Variants in ERC2 observed in about 807,000 individuals in gnomAD.
ERC2 encodes ELKS/RAB6-interacting/CAST family member 2.
ERC2 carries 42 observed loss-of-function variants against 114.8 expected under a neutral mutation model. That is an observed-to-expected ratio of 0.37 (90% CI 0.29 to 0.47). The LOEUF (loss-of-function observed/expected upper bound fraction) is 0.47, where lower values mean the gene tolerates loss of function less well. Among genes scored for constraint, ERC2 ranks in the 20% least tolerant of loss-of-function variants. The pLI is 0.99. For synonymous variants in ERC2, 454 were observed against 425.5 expected, an observed-to-expected ratio of 1.07 and a Z score of -0.82; for missense variants, 939 against 1,150.7, an observed-to-expected ratio of 0.82 and a Z score of 2.66.
chr3:56,299,229 G>A (rs576290045), intron 2 of ERC2, among the ~76,000 whole-genome samples: 5 of 149,780 alleles, frequency 3.3e-5, no homozygotes, highest in African/African-American at 5.0e-5. Context: ...CCGGGTTCAC[G>A]CCTTTCTGCT....
intron 17 of ERC2, among the ~76,000 whole-genome samples, chr3:55,578,503 G>A (rs999328238): frequency 6.6e-6 from 1 of 152,178 alleles, no homozygotes; most frequent in Non-Finnish European, 1.5e-5. Flanking sequence ...ACCTGGCCAA[G>A]TGACCCTGTT....
intron 17 of ERC2, among the ~76,000 whole-genome samples, chr3:55,645,157 T>C (rs1344196786): frequency 6.6e-6 from 1 of 152,190 alleles, no homozygotes; most frequent in East Asian, 1.9e-4. Flanking sequence ...GAAATGAGTA[T>C]ATGTATATTA....
chr3:56,344,095 T>C (rs1034296057), intron 2 of ERC2, among the ~76,000 whole-genome samples: 7 of 152,140 alleles, frequency 4.6e-5, no homozygotes, highest in Non-Finnish European at 8.8e-5. Flanking sequence ...ATGTTTCAAA[T>C]GCCATATTAA....
In ERC2 at chr3:55,992,085, T is replaced by C; in HGVS notation, c.2227A>G (p.Lys743Glu). 2 of 1,613,778 alleles carry C rather than the reference T, an allele frequency of 1.2e-6. No individual in the cohort carries two copies. The highest frequency in any genetic ancestry group is 1.7e-6 in the Non-Finnish European group (2 of 1,179,796). The change falls in exon 11 of 18, where the codon AAG becomes GAG. Residue 743 changes from lysine to glutamate, a missense_variant. This residue lies in a region of ERC2 where 328 missense variants were observed against 353.9 expected (regional missense o/e 0.93). Transcript: ENST00000288221. ...TCCAGTTCTGCGATCTTCTTGTCCT[T>C]GTCATTCTTCTCATTCTCCACCTCC... ...LKEVENEKND[K>E]DKKIAELESL...
intron 14 of ERC2, among the ~76,000 whole-genome samples, chr3:55,744,003 A>G (rs2066144951): frequency 6.6e-6 from 1 of 152,214 alleles, no homozygotes; most frequent in African/African-American, 2.4e-5. Flanking sequence ...AAAGGACCAA[A>G]GGTTACTCCG....
At chr3:56,032,975 AAGAGAAAG>A (rs1560057318) in intron 7 of ERC2, among the ~76,000 whole-genome samples, 1 of 71,288 alleles carries the variant, frequency 1.4e-5, no homozygotes, top group East Asian at 3.6e-4. Flanking sequence ...GAAAGAAAGA[AAGAGAAAG>A]AAAGAAAGAA....
intron 15 of ERC2, among the ~76,000 whole-genome samples, chr3:55,703,728 C>T (rs2063345705): frequency 6.6e-6 from 1 of 152,198 alleles, no homozygotes; most frequent in African/African-American, 2.4e-5. Flanking sequence ...CTGTGGAACA[C>T]ATAAGAGGGA....
At chr3:55,832,140 G>A (rs550907296) in intron 14 of ERC2, among the ~76,000 whole-genome samples, 62 of 152,362 alleles carry the variant, frequency 4.1e-4, no homozygotes, top group African/African-American at 1.3e-3. Context: ...AACTCAAGGA[G>A]GCCTGCCTGC....
chr3:55,640,664 C>A (rs572791494), intron 17 of ERC2, among the ~76,000 whole-genome samples: 17 of 152,208 alleles, frequency 1.1e-4, no homozygotes, highest in African/African-American at 4.1e-4. Flanking sequence ...TGAGAGGGGA[C>A]AGAAGACCAT....
intron 1 of ERC2, among the ~76,000 whole-genome samples, chr3:56,458,943 G>A (rs1159745340): frequency 2.6e-5 from 4 of 152,128 alleles, no homozygotes; most frequent in African/African-American, 9.7e-5. Flanking sequence ...TGACAAAACG[G>A]AGCATGGCTA....
intron 2 of ERC2, among the ~76,000 whole-genome samples, chr3:56,342,946 G>C (rs890655412): frequency 1.3e-5 from 2 of 152,076 alleles, no homozygotes; most frequent in Non-Finnish European, 2.9e-5. Context: ...TGAAGTTCAA[G>C]CCCCTCAGCC....
At chr3:55,788,048 T>G (rs1470649069) in intron 14 of ERC2, among the ~76,000 whole-genome samples, 1 of 152,234 alleles carries the variant, frequency 6.6e-6, no homozygotes, top group Admixed American at 6.5e-5. Flanking sequence ...GGTTCCAGAA[T>G]CTTCCAAATT....
chr3:55,783,924 C>T (rs185003161), intron 14 of ERC2, among the ~76,000 whole-genome samples: 5 of 152,086 alleles, frequency 3.3e-5, no homozygotes, highest in Non-Finnish European at 7.4e-5. Flanking sequence ...CTATCTTTCA[C>T]CCCTAACTAC....
chr3:55,864,144 T>TATATACAC (rs1559782918), intron 14 of ERC2, among the ~76,000 whole-genome samples: 186 of 116,386 alleles, frequency 1.6e-3, no homozygotes, highest in African/African-American at 6.3e-3. Flanking sequence ...TATATACATA[T>TATATACAC]ATATATATAT....
chr3:55,974,358 C>T (rs181896091), intron 12 of ERC2, among the ~76,000 whole-genome samples: 2 of 152,292 alleles, frequency 1.3e-5, no homozygotes, highest in East Asian at 3.9e-4. Flanking sequence ...AAGATCAAGG[C>T]AGATACAGAT....
chr3:55,564,855 C>T (rs1407193012), intron 17 of ERC2, among the ~76,000 whole-genome samples: 3 of 152,198 alleles, frequency 2.0e-5, no homozygotes, highest in African/African-American at 7.2e-5. Context: ...CAGGGATCAG[C>T]AAATGTTTTC....
chr3:56,406,678 G>A (rs1209837572), intron 2 of ERC2, among the ~76,000 whole-genome samples: 2 of 152,154 alleles, frequency 1.3e-5, no homozygotes, highest in Non-Finnish European at 2.9e-5. Flanking sequence ...CAGTGCCTAG[G>A]AGAGCATGAT....
At chr3:55,905,773 C>T (rs984568583) in intron 13 of ERC2, among the ~76,000 whole-genome samples, 1 of 152,094 alleles carries the variant, frequency 6.6e-6, no homozygotes, top group Non-Finnish European at 1.5e-5. Context: ...TCTTTCTTAC[C>T]ATGCCTTGTT....
At chr3:56,277,787 C>T (rs1283537036) in intron 3 of ERC2, among the ~76,000 whole-genome samples, 2 of 151,222 alleles carry the variant, frequency 1.3e-5, no homozygotes, top group Non-Finnish European at 2.9e-5. Context: ...ATCTAATTTT[C>T]TTTAGGGAAA....
Sources: allele counts gnomAD v4.1 joint callset (sites outside exome capture counted in the v4.1 genomes callset), GRCh38; gene constraint gnomAD v4.1.1; regional missense constraint gnomAD v4.1.1; transcripts MANE v1.5; gene names NCBI Gene and HGNC (gene_info 2026-07-23, HGNC 2026-07-21).